Variants in IL1RL1 observed in about 807,000 individuals in gnomAD.
The protein encoded by IL1RL1 is interleukin-1 receptor-like 1.
IL1RL1 carries 32 observed loss-of-function variants against 50.9 expected under a neutral mutation model. The ratio of observed to expected loss-of-function variants is 0.63; its 90% CI spans 0.47 to 0.84. IL1RL1 has a LOEUF of 0.84. Ranked by LOEUF, IL1RL1 falls within the 40% of genes least tolerant of loss-of-function variation. The pLI, the probability that IL1RL1 is intolerant of heterozygous loss-of-function variation, is 0.00. For missense variants in IL1RL1, 773 were observed against 662.9 expected, an observed-to-expected ratio of 1.17 and a Z score of -1.82; for synonymous variants, 275 against 236.0, an observed-to-expected ratio of 1.17 and a Z score of -1.51.
At chr2:102,319,873 GA>G in intron 1 of IL1RL1, among the ~76,000 whole-genome samples, 1 of 152,072 alleles carries the variant, frequency 6.6e-6, no homozygotes, top group Admixed American at 6.5e-5. Context: ...ATTTTTTGTA[GA>G]GATGGGGACT....
At chr2:102,344,720 C>G (rs563794046) in intron 8 of IL1RL1, 2 of 943,664 alleles carry the variant, frequency 2.1e-6, no homozygotes, top group Non-Finnish European at 1.3e-6. Flanking sequence ...AATGCACAAC[C>G]AAATTATTGA....
At chr2:102,324,323 G>T (rs945119309) in intron 1 of IL1RL1, among the ~76,000 whole-genome samples, 2 of 152,074 alleles carry the variant, frequency 1.3e-5, no homozygotes, top group African/African-American at 4.8e-5. Context: ...GCCAAAATTT[G>T]GTATTGTCAG....
chr2:102,352,166 C>T, downstream of IL1RL1: 1 of 458,134 alleles, frequency 2.2e-6, no homozygotes, highest in Non-Finnish European at 3.9e-6. Flanking sequence ...TTTTGCTTGC[C>T]TGTCTTCACT....
intron 1 of IL1RL1, among the ~76,000 whole-genome samples, chr2:102,325,756 C>T (rs1034258669): frequency 6.6e-5 from 10 of 152,076 alleles, no homozygotes; most frequent in Non-Finnish European, 7.4e-5. Context: ...GTATCAGTGA[C>T]GGAAGATCAA....
At chr2:102,322,951 T>C (rs952237833) in intron 1 of IL1RL1, among the ~76,000 whole-genome samples, 1 of 152,166 alleles carries the variant, frequency 6.6e-6, no homozygotes, top group Non-Finnish European at 1.5e-5. Context: ...GGAGCAAGGC[T>C]TTATTATTTT....
At chr2:102,349,007 A>T in intron 9 of IL1RL1, 72 bp from the exon 10 acceptor site, 1 of 1,141,754 alleles carries the variant, frequency 8.8e-7, no homozygotes, top group Non-Finnish European at 1.3e-6. Context: ...CTTGGAGAGG[A>T]ATGTCTTCAA....
In IL1RL1 at chr2:102,344,053, C is replaced by T. The variant is rs113456083; in HGVS notation, c.970+638C>T. On this transcript the variant is annotated intron_variant, in intron 8 of 10. Coordinates refer to ENST00000233954, the MANE Select transcript of IL1RL1 (RefSeq NM_016232.5). ...TCTGCAGGCTGTATGGGAAGCATGG[C>T]GGCATCTGCTTCTGGGGACACCTCA... The T allele has an allele frequency of 1.6e-4, 51 of 325,566 alleles. 2 individuals carry two copies. The East Asian group carries it at 4.4e-3, about 28-fold the overall frequency. The allele number at this position is 325,566 out of a possible 1,614,324, so 20.2% of individuals were successfully genotyped here. A position where few individuals can be genotyped will look rare whatever the true frequency, so the allele number is the denominator to read the frequency against.
chr2:102,316,605 C>T (rs898753014), intron 1 of IL1RL1, among the ~76,000 whole-genome samples: 4 of 152,124 alleles, frequency 2.6e-5, no homozygotes, highest in Non-Finnish European at 5.9e-5. Flanking sequence ...ATCAAACCAT[C>T]CAATACAGCC....
chr2:102,341,215 A>G (rs1204961817), intron 5 of IL1RL1: 1 of 1,170,128 alleles, frequency 8.5e-7, no homozygotes, highest in Non-Finnish European at 1.1e-6. Flanking sequence ...TGCAAATTAA[A>G]AAAGAGCTTA....
rs564496370 is a variant in IL1RL1, at chr2:102,350,063, A to G, written c.1285+817A>G. On this transcript the variant is annotated intron_variant, in intron 10 of 10. Coordinates refer to ENST00000233954, the MANE Select transcript of IL1RL1 (RefSeq NM_016232.5). ...TTGGTTTACCCTGGAATATCTGGGA[A>G]TGCTAATAGCCTCAATAACGGCTCA... Among the ~76,000 whole-genome samples the G allele has an allele frequency of 1.8e-4, 27 of 151,990 alleles. No individual in the cohort carries two copies. The South Asian group carries it at 3.7e-3, about 21-fold the overall frequency.
chr2:102,342,161 A>G, intron 5 of IL1RL1, 62 bp from the exon 6 acceptor site: 2 of 1,166,608 alleles, frequency 1.7e-6, no homozygotes, highest in Non-Finnish European at 2.5e-6. Context: ...ATGAAAATAC[A>G]AGCTTTATAT....
intron 8 of IL1RL1, chr2:102,345,866 C>T (rs893043790): frequency 4.1e-6 from 4 of 985,326 alleles, no homozygotes; most frequent in Non-Finnish European, 4.8e-6. Flanking sequence ...GTAGACCCTG[C>T]AGCCATCCAT....
chr2:102,336,337 A>G (rs1421876390), intron 1 of IL1RL1, among the ~76,000 whole-genome samples: 1 of 152,174 alleles, frequency 6.6e-6, no homozygotes, highest in Non-Finnish European at 1.5e-5. Context: ...CGCCTGCCAC[A>G]TTGGGTGAGT....
intron 1 of IL1RL1, among the ~76,000 whole-genome samples, chr2:102,323,752 T>C (rs1049332686): frequency 2.0e-5 from 3 of 152,088 alleles, no homozygotes; most frequent in African/African-American, 7.2e-5. Flanking sequence ...ACCTTCAATA[T>C]TGGGGATCAA....
At chr2:102,341,213 A>G in intron 5 of IL1RL1, 5 of 1,159,392 alleles carry the variant, frequency 4.3e-6, no homozygotes, top group South Asian at 1.8e-5. Context: ...TCTGCAAATT[A>G]AAAAAGAGCT....
chr2:102,338,407 G>T, intron 2 of IL1RL1, 82 bp downstream of exon 2: 1 of 770,684 alleles, frequency 1.3e-6, no homozygotes, highest in South Asian at 2.0e-5. Context: ...TAAGCAGTTT[G>T]CTTCCAGTTG....
At chr2:102,339,491 G>C (rs1469694011) in intron 3 of IL1RL1, 2 of 156,772 alleles carry the variant, frequency 1.3e-5, no homozygotes, top group Non-Finnish European at 2.8e-5. Flanking sequence ...AATTACTTTT[G>C]TTCACAAATT....
Position 102,338,875 on chromosome 2 carries a change from G to GT in IL1RL1, c.101dup (p.Arg35LysfsTer4). On this transcript the variant is annotated frameshift_variant, in exon 3 of 11. Transcript: ENST00000233954. LOFTEE classifies it high-confidence loss of function. ...GGGCCTGGAAAATGAGGCTTTAATT[G>GT]TAAGATGTCCTAGACAAGGAAAACC... 1.2e-6 allele frequency: 2 copies of GT among 1,613,698 alleles called. No homozygotes were observed. Among genetic ancestry groups the GT allele is most frequent in the South Asian group, 2.2e-5 (2 of 91,078 alleles).
intron 6 of IL1RL1, 89 bp downstream of exon 6, chr2:102,342,383 G>A (rs1009112391): frequency 4.5e-6 from 4 of 886,478 alleles, no homozygotes; most frequent in Middle Eastern, 2.2e-4. Flanking sequence ...CAGGGGTCAG[G>A]CAATTAGCAT....
Sources: gnomAD v4.1 joint callset for allele counts (sites outside exome capture counted in the v4.1 genomes callset) on GRCh38, gnomAD v4.1.1 for gene constraint, MANE v1.5 for transcripts, NCBI Gene and HGNC (gene_info 2026-07-23, HGNC 2026-07-21) for gene names.